Variants in TDRD5 observed in about 807,000 individuals in gnomAD.
TDRD5 encodes tudor domain-containing protein 5.
Under a neutral mutation model 120.6 loss-of-function variants are expected in TDRD5, and 41 were observed. The observed-to-expected ratio is 0.34, with a 90% CI of 0.26 to 0.44. The LOEUF is 0.44. Among genes scored for constraint, TDRD5 ranks in the 20% least tolerant of loss-of-function variants. The pLI is 1.00. For synonymous variants in TDRD5, 430 were observed against 433.7 expected (o/e 0.99, Z 0.11); for missense variants, 1,006 against 1,221.2 (o/e 0.82, Z 2.63).
At chr1:179,658,411 A>C (rs529117350) in intron 14 of TDRD5, among the ~76,000 whole-genome samples, 263 of 152,302 alleles carry the variant, frequency 1.7e-3, no homozygotes, top group African/African-American at 6.1e-3. Context: ...TTCCAGAAGA[A>C]TTTAAATTAT....
chr1:179,598,576 G>A (rs182412488), intron 4 of TDRD5, among the ~76,000 whole-genome samples: 84 of 151,958 alleles, frequency 5.5e-4, no homozygotes, highest in African/African-American at 1.9e-3. Context: ...TAAAGCTTGC[G>A]CATATTTTGT....
chr1:179,604,019 TG>T (rs1459377766), intron 4 of TDRD5, among the ~76,000 whole-genome samples: 3 of 152,150 alleles, frequency 2.0e-5, no homozygotes, highest in African/African-American at 7.2e-5. Context: ...GACTTTTTTT[TG>T]TTGGTAATTT....
chr1:179,681,562 G>A (rs1214874581), intron 17 of TDRD5, among the ~76,000 whole-genome samples: 1 of 151,904 alleles, frequency 6.6e-6, no homozygotes, highest in Non-Finnish European at 1.5e-5. Context: ...ATAAATTGGG[G>A]TTCAGCAAAC....
chr1:179,682,603 G>T (rs1680484368), intron 17 of TDRD5, among the ~76,000 whole-genome samples: 2 of 151,960 alleles, frequency 1.3e-5, no homozygotes, highest in Admixed American at 6.6e-5. Context: ...ATTCCATGGT[G>T]TATATGTGTG....
chr1:179,685,093 G>C (rs987277564), intron 17 of TDRD5, among the ~76,000 whole-genome samples: 2 of 152,168 alleles, frequency 1.3e-5, no homozygotes, highest in Non-Finnish European at 2.9e-5. Context: ...CGTTGCTTTG[G>C]TGTTTTAGAC....
At chr1:179,664,594 T>A (rs1679470163) in intron 16 of TDRD5, among the ~76,000 whole-genome samples, 2 of 152,208 alleles carry the variant, frequency 1.3e-5, no homozygotes, top group Admixed American at 1.3e-4. Flanking sequence ...CTAGCATTAA[T>A]AATGTCTTCA....
intron 6 of TDRD5, among the ~76,000 whole-genome samples, chr1:179,629,132 A>G (rs951801833): frequency 5.9e-5 from 9 of 152,144 alleles, no homozygotes; most frequent in African/African-American, 1.9e-4. Context: ...GATGAGCACT[A>G]TTTCTCATCT....
intron 3 of TDRD5, among the ~76,000 whole-genome samples, chr1:179,595,181 A>T (rs1675322865): frequency 6.6e-6 from 1 of 152,108 alleles, no homozygotes; most frequent in African/African-American, 2.4e-5. Context: ...CCCTTCCTAC[A>T]AATCTTGAAG....
At chr1:179,672,200 A>G (rs146583606) in intron 17 of TDRD5, among the ~76,000 whole-genome samples, 202 of 152,266 alleles carry the variant, frequency 1.3e-3, no homozygotes, top group African/African-American at 4.6e-3. Context: ...ACTGTTTTCC[A>G]TAGTGGTTGT....
At chr1:179,627,345 G>C (rs1358949357) in intron 6 of TDRD5, among the ~76,000 whole-genome samples, 1 of 152,196 alleles carries the variant, frequency 6.6e-6, no homozygotes, top group Non-Finnish European at 1.5e-5. Context: ...GATCAAATGA[G>C]GGTTGGGGGG....
intron 11 of TDRD5, among the ~76,000 whole-genome samples, chr1:179,642,883 C>T (rs1678130962): frequency 6.6e-6 from 1 of 152,110 alleles, no homozygotes; most frequent in South Asian, 2.1e-4. Flanking sequence ...GGCAAAAAAG[C>T]AAAAGTTAAA....
chr1:179,646,401 A>G lies in TDRD5; in HGVS notation c.1801-4466A>G, dbSNP rs572773793. Among the ~76,000 whole-genome samples the G allele has an allele frequency of 1.9e-4, 29 of 152,306 alleles. No homozygotes were observed. In the East Asian group the frequency reaches 4.6e-3, roughly 24 times the overall value. Reference sequence around the variant, plus strand: ...CAGAAAAGGCCTTTGACAAAATTCAACAACCTTCATGCTAAAAACTCTCAA... The same window carrying G: ...CAGAAAAGGCCTTTGACAAAATTCAGCAACCTTCATGCTAAAAACTCTCAA... On this transcript the variant is annotated intron_variant, in intron 11 of 17. Transcript: ENST00000444136.
chr1:179,685,717 T>C (rs1352986691), intron 17 of TDRD5, among the ~76,000 whole-genome samples: 1 of 152,196 alleles, frequency 6.6e-6, no homozygotes, highest in Non-Finnish European at 1.5e-5. Context: ...TTTTATTTTG[T>C]TGAGCAGTGG....
At chr1:179,612,935 CAAAAAAAAAAA>C (rs35980053) in intron 4 of TDRD5, among the ~76,000 whole-genome samples, 1 of 88,470 alleles carries the variant, frequency 1.1e-5, no homozygotes, top group Non-Finnish European at 2.3e-5. Flanking sequence ...GACTTTGTCT[CAAAAAAAAAAA>C]AAAAAAAAAA....
At chr1:179,624,833 T>C (rs766139593) in intron 6 of TDRD5, among the ~76,000 whole-genome samples, 4 of 152,146 alleles carry the variant, frequency 2.6e-5, no homozygotes, top group Non-Finnish European at 4.4e-5. Context: ...ATGGATTCAA[T>C]ATAGTCCCCA....
chr1:179,593,723 C>G lies in TDRD5; in HGVS notation c.496C>G (p.Gln166Glu), dbSNP rs1240268518. 1.2e-6 allele frequency: 2 copies of G among 1,614,070 alleles called. No individual in the cohort carries two copies. The highest frequency in any genetic ancestry group is 3.3e-5 in the Admixed American group (2 of 59,994). Residue 166 changes from glutamine to glutamate, a missense_variant, in exon 3 of 18, where the codon CAA (glutamine) becomes GAA (glutamate). Around this residue, in one of 3 missense-constraint regions of TDRD5, gnomAD observed 445 missense variants for 515.5 expected, o/e 0.86. Transcript: ENST00000444136. ...AFAKRFGRSF[Q>E]YMQYGFLSMF... The stretch of plus-strand genomic sequence containing the variant: ...TGCCAAAAGATTTGGACGATCATTC[C>G]AATACATGCAATATGGATTTCTCTC...
chr1:179,680,414 G>C (rs1293791115), intron 17 of TDRD5, among the ~76,000 whole-genome samples: 1 of 152,024 alleles, frequency 6.6e-6, no homozygotes, highest in Non-Finnish European at 1.5e-5. Flanking sequence ...TTGTTGATTT[G>C]TCTTTTTCTT....
At chr1:179,663,633 A>G (rs1327609878) in intron 16 of TDRD5, 142 bp downstream of exon 16, 3 of 1,244,486 alleles carry the variant, frequency 2.4e-6, no homozygotes, top group African/African-American at 3.0e-5. Context: ...TTGATGATAA[A>G]TTTGACTTTC....
chr1:179,656,590 A>G (rs1183947847), intron 14 of TDRD5, among the ~76,000 whole-genome samples: 1 of 152,220 alleles, frequency 6.6e-6, no homozygotes, highest in Non-Finnish European at 1.5e-5. Context: ...TGACAAGACT[A>G]TCCTATCTCC....
Sources: allele counts gnomAD v4.1 joint callset (sites outside exome capture counted in the v4.1 genomes callset), GRCh38; gene constraint gnomAD v4.1.1; regional missense constraint gnomAD v4.1.1; transcripts MANE v1.5; gene names NCBI Gene and HGNC (gene_info 2026-07-23, HGNC 2026-07-21).